Variants in DMD observed in about 807,000 individuals in gnomAD.
DMD encodes the protein mutant dystrophin.
Under a neutral mutation model 330.1 loss-of-function variants are expected in DMD, and 63 were observed. The ratio of observed to expected loss-of-function variants is 0.19; its 90% CI spans 0.16 to 0.24. The LOEUF is 0.24. DMD is among the 10% of genes least tolerant of loss of function. The pLI is 1.00. For synonymous variants in DMD, 1,223 were observed against 959.8 expected, an observed-to-expected ratio of 1.27 and a Z score of -5.07; for missense variants, 3,344 against 2,684.1, an observed-to-expected ratio of 1.25 and a Z score of -5.43.
At chrX:31,495,146 A>AT (rs200871556) in intron 57 of DMD, among the ~76,000 whole-genome samples, 19,400 of 94,168 alleles carry the variant, frequency 0.21, 1,864 homozygotes, top group Admixed American at 0.33. Context: ...TTTCCCTGGC[A>AT]TTTTTTTTTT....
At chrX:32,518,898 G>A (rs960790971) in intron 17 of DMD, among the ~76,000 whole-genome samples, 1 of 108,964 alleles carries the variant, frequency 9.2e-6, no homozygotes, top group Admixed American at 9.9e-5. Flanking sequence ...TGAAGAATTA[G>A]GAGAAATAAT....
chrX:32,243,720 G>A (rs968582352), intron 43 of DMD, among the ~76,000 whole-genome samples: 4 of 111,469 alleles, frequency 3.6e-5, no homozygotes, highest in African/African-American at 1.3e-4. Flanking sequence ...GATAATGGTT[G>A]TGTTTAACAG....
In DMD at chrX:31,843,337, C is replaced by T. The variant is rs779770888; in HGVS notation, c.7099-6518G>A. Among the ~76,000 whole-genome samples, 8 of 111,952 alleles carry T rather than the reference C, an allele frequency of 7.1e-5. No homozygotes were observed. In the South Asian group the frequency reaches 2.6e-3, roughly 37 times the overall value. On this transcript the variant is annotated intron_variant, in intron 48 of 78. Coordinates refer to ENST00000357033, the MANE Select transcript of DMD (RefSeq NM_004006.3). ...AACTAATGTACACTCCCACCAACAG[C>T]GTATAATGTTCCCTTTTCTCTGCAG...
chrX:32,483,028 G>A (rs182167628), intron 21 of DMD, among the ~76,000 whole-genome samples: 18 of 106,361 alleles, frequency 1.7e-4, no homozygotes, highest in African/African-American at 4.7e-4. Flanking sequence ...TACAAGAAAT[G>A]AGATTTACTC....
At position 31,153,236 on chromosome X, in the gene DMD, G is replaced by T. The variant is rs756798058; in HGVS notation, c.10554-5718C>A. Among the ~76,000 whole-genome samples, 28 of 111,655 alleles carry T rather than the reference G, an allele frequency of 2.5e-4. No homozygotes were observed. In the East Asian group the frequency reaches 7.6e-3, roughly 30 times the overall value. ...ACTGCGAATCTTTGCCTCTTCCCTC[G>T]GCTCTATGCATTAGGGCCATAGCTG... On this transcript the variant is annotated intron_variant, in intron 74 of 78. Transcript: ENST00000357033.
At chrX:31,561,860 T>A (rs1297910572) in intron 55 of DMD, among the ~76,000 whole-genome samples, 2 of 112,264 alleles carry the variant, frequency 1.8e-5, no homozygotes, top group African/African-American at 6.5e-5. Flanking sequence ...TCCTTGTCCA[T>A]ATACATATTC....
chrX:32,279,575 C>T (rs1421566616), intron 43 of DMD, among the ~76,000 whole-genome samples: 1 of 108,969 alleles, frequency 9.2e-6, no homozygotes, highest in African/African-American at 3.3e-5. Context: ...AGACAAACAT[C>T]ACACGTTCTC....
intron 48 of DMD, among the ~76,000 whole-genome samples, chrX:31,861,734 T>TACACACAC (rs1491287851): frequency 3.6e-5 from 2 of 56,063 alleles, no homozygotes; most frequent in African/African-American, 1.5e-4. Flanking sequence ...AGAAGAGTGC[T>TACACACAC]ATACACACAC....
intron 47 of DMD, among the ~76,000 whole-genome samples, chrX:31,926,937 T>A: frequency 9.0e-6 from 1 of 110,700 alleles, no homozygotes; most frequent in Middle Eastern, 4.6e-3. Flanking sequence ...AGGGAGGGGG[T>A]CCGCTTTATT....
At chrX:32,764,139 A>C (rs1448703038) in intron 7 of DMD, among the ~76,000 whole-genome samples, 1 of 109,927 alleles carries the variant, frequency 9.1e-6, no homozygotes, top group Non-Finnish European at 1.9e-5. Flanking sequence ...TTATGTTTAG[A>C]GAACAATCTG....
In DMD at chrX:31,893,012, A is replaced by G. The variant is rs372336049; in HGVS notation, c.6913-17639T>C. Among the ~76,000 whole-genome samples the G allele has an allele frequency of 2.7e-5, 3 of 112,414 alleles. No individual in the cohort carries two copies. In the East Asian group the frequency reaches 8.4e-4, roughly 31 times the overall value. On this transcript the variant is annotated intron_variant, in intron 47 of 78. Coordinates refer to ENST00000357033, the MANE Select transcript of DMD (RefSeq NM_004006.3). Reference sequence around the variant, plus strand: ...TGTGGCTCACATTACGCTCTGTAATAATGCAATAGCAGCTTTTATTCTATA... The same window carrying G: ...TGTGGCTCACATTACGCTCTGTAATGATGCAATAGCAGCTTTTATTCTATA...
At chrX:31,555,226 G>A (rs951992057) in intron 55 of DMD, among the ~76,000 whole-genome samples, 1 of 111,512 alleles carries the variant, frequency 9.0e-6, no homozygotes, top group African/African-American at 3.3e-5. Context: ...TCTCACAATA[G>A]CTGATTTCAA....
intron 49 of DMD, 64 bp downstream of exon 49, chrX:31,836,654 T>G (rs1457652318): frequency 2.2e-6 from 2 of 915,553 alleles, no homozygotes; most frequent in Non-Finnish European, 3.2e-6. Context: ...CAATGGCAAA[T>G]GTACAACAGG....
At chrX:32,768,481 G>A (rs544914705) in intron 7 of DMD, among the ~76,000 whole-genome samples, 155 of 112,091 alleles carry the variant, frequency 1.4e-3, no homozygotes, top group African/African-American at 4.2e-3. Flanking sequence ...TTTCAGCAAA[G>A]CATTGTGTAT....
chrX:31,571,695 A>G (rs1236114709), intron 55 of DMD, among the ~76,000 whole-genome samples: 1 of 111,548 alleles, frequency 9.0e-6, no homozygotes, highest in African/African-American at 3.3e-5. Context: ...GAAACTTGGC[A>G]CTACTGACAT....
intron 17 of DMD, among the ~76,000 whole-genome samples, chrX:32,523,932 C>CTTTTTTTTT (rs57254581): frequency 1.3e-4 from 11 of 87,447 alleles, no homozygotes; most frequent in African/African-American, 4.5e-4. Flanking sequence ...CAAAAGAAAT[C>CTTTTTTTTT]TTTTTTTTTT....
intron 52 of DMD, among the ~76,000 whole-genome samples, chrX:31,719,527 G>A (rs948946873): frequency 6.3e-5 from 7 of 111,261 alleles, no homozygotes; most frequent in African/African-American, 1.3e-4. Context: ...ATCATGTCCC[G>A]GAGCTATAAA....
intron 34 of DMD, among the ~76,000 whole-genome samples, chrX:32,366,097 A>C (rs2097853568): frequency 8.9e-6 from 1 of 112,593 alleles, no homozygotes; most frequent in Non-Finnish European, 1.9e-5. Flanking sequence ...ACTATTTCCT[A>C]AGAGGTGATT....
chrX:32,292,302 C>CTTTTTTTTTTTTTTTT lies in DMD; in HGVS notation c.6118-4617_6118-4602dup, dbSNP rs10652780. ...AACAAATATCAACAAAGGGAATATT[C>CTTTTTTTTTTTTTTTT]TTTTTTTTTTTTTTTTGAGATGGAG... is the stretch of plus-strand genomic sequence containing the variant. On this transcript the variant is annotated intron_variant, in intron 42 of 78. Coordinates refer to ENST00000357033, the MANE Select transcript of DMD (RefSeq NM_004006.3). 4.6e-3 allele frequency among the ~76,000 whole-genome samples: 290 copies of CTTTTTTTTTTTTTTTT among 62,893 alleles called. 54 individuals carry two copies. Among genetic ancestry groups the CTTTTTTTTTTTTTTTT allele is most frequent in the African/African-American group, 0.017 (247 of 14,252 alleles). 54.6% of individuals were successfully genotyped at this position (62,893 alleles called of 115,157 possible).
Sources: gnomAD v4.1 joint callset for allele counts (sites outside exome capture counted in the v4.1 genomes callset) on GRCh38, gnomAD v4.1.1 for gene constraint, MANE v1.5 for transcripts, NCBI Gene and HGNC (gene_info 2026-07-23, HGNC 2026-07-21) for gene names.